The following TLR9 variants were observed in gnomAD, a reference collection of about 807,000 sequenced individuals.
The protein encoded by TLR9 is toll-like receptor 9.
A neutral mutation model predicts 24.6 loss-of-function variants in TLR9; 19 were observed. The ratio of observed to expected loss-of-function variants is 0.77; its 90% CI spans 0.54 to 1.13. The LOEUF is 1.13. Among genes scored for constraint, TLR9 ranks in the 50% most tolerant of loss-of-function variants. The pLI, the probability that TLR9 is intolerant of heterozygous loss-of-function variation, is 0.00. For missense variants in TLR9, 1,065 were observed against 1,379.6 expected (o/e 0.77, Z 3.61); for synonymous variants, 579 against 609.8 (o/e 0.95, Z 0.74).
At position 52,222,095 on chromosome 3, in the gene TLR9, C is replaced by T; in HGVS notation, c.2221G>A (p.Asp741Asn). 6 of 1,612,210 alleles carry T rather than the reference C, an allele frequency of 3.7e-6. No homozygotes were observed. Among genetic ancestry groups the T allele is most frequent in the Non-Finnish European group, 5.1e-6 (6 of 1,179,068 alleles). ...NLSANALKTV[D>N]HSWFGPLASA... is the part of the protein sequence containing the mutation. ...GCCAGGGGCCCAAACCAGGAGTGGT[C>T]CACTGTCTTGAGGGCGTTGGCGCTA... Residue 741 changes from aspartate to asparagine, a missense_variant, in exon 2 of 2, where the codon GAC becomes AAC. Asp to Asn is a conservative substitution (Grantham distance 23). Transcript: ENST00000360658.
At position 52,223,730 on chromosome 3, in the gene TLR9, G is replaced by A. The variant is rs1699590428; in HGVS notation, c.586C>T (p.Leu196Phe). ...QALEVAPGAL[L>F]GLGNLTHLSL... Reference sequence around the variant, plus strand: ...AGGTGGGTGAGGTTGCCCAGGCCAAGGAGGGCACCCGGGGCCACCTCCAGT... The same window carrying A: ...AGGTGGGTGAGGTTGCCCAGGCCAAAGAGGGCACCCGGGGCCACCTCCAGT... The change falls in exon 2 of 2, where the codon CTT becomes TTT. Residue 196 changes from leucine (L) to phenylalanine (F), a missense_variant. Transcript: ENST00000360658. 1 of 1,579,070 alleles carries A rather than the reference G, an allele frequency of 6.3e-7. No homozygotes were observed. The highest frequency in any genetic ancestry group is 8.6e-7 in the Non-Finnish European group (1 of 1,161,622).
At position 52,224,329 on chromosome 3, in the gene TLR9, G is replaced by T. The variant is rs201370994; in HGVS notation, c.4-17C>A. ...GCAGAAACCCTGTGGGGGTGGGAGG[G>T]CTGTGTGAGTGGCCGGCCCCCAGCT... On this transcript the variant is annotated splice_polypyrimidine_tract_variant and intron_variant, in intron 1 of 1. Coordinates refer to ENST00000360658, the MANE Select transcript of TLR9 (RefSeq NM_017442.4). The T allele has an allele frequency of 1.9e-6, 3 of 1,554,154 alleles. No individual in the cohort carries two copies. Among genetic ancestry groups the T allele is most frequent in the Non-Finnish European group, 2.6e-6 (3 of 1,148,498 alleles).
At chr3:52,225,130 A>T (rs1699608190) in intron 1 of TLR9, among the ~76,000 whole-genome samples, 1 of 152,206 alleles carries the variant, frequency 6.6e-6, no homozygotes, top group South Asian at 2.1e-4. Flanking sequence ...AGATCACCTG[A>T]GGTCTGGAGT....
chr3:52,223,990 G>C lies in TLR9; in HGVS notation c.326C>G (p.Pro109Arg), dbSNP rs1295652148. ...GCTGGGCTCGATGGTCATGTGGCAG[G>C]GGAAGTGCATGGGGCTGAGGCCAAC... is the stretch of plus-strand genomic sequence containing the variant. ...PPVGLSPMHF[P>R]CHMTIEPSTF... is the part of the protein sequence containing the mutation. The change falls in exon 2 of 2, where the codon CCC (proline) becomes CGC (arginine). Residue 109 changes from proline (P) to arginine (R), a missense_variant. Physicochemically the swap from Pro to Arg is moderately radical, Grantham distance 103 (BLOSUM62 -2). Transcript: ENST00000360658. The C allele has an allele frequency of 6.3e-7, 1 of 1,597,122 alleles. No individual in the cohort carries two copies. The highest frequency in any genetic ancestry group is 1.1e-5 in the South Asian group (1 of 89,346).
In TLR9 at chr3:52,221,128, G is replaced by A; in HGVS notation, c.*89C>T. The stretch of plus-strand genomic sequence containing the variant: ...GTGCCTGCTCTGTGTCAGGTGTGGG[G>A]TGAGGGAGGCGAGCAGGGGAGGGTC... On this transcript the variant is annotated 3_prime_UTR_variant, in exon 2 of 2. Coordinates refer to ENST00000360658, the MANE Select transcript of TLR9 (RefSeq NM_017442.4). The surrounding 1 kb of genome is among the most constrained non-coding windows in gnomAD (Gnocchi z 9.9). The A allele has an allele frequency of 8.0e-7, 1 of 1,250,132 alleles. No homozygotes were observed. The highest frequency in any genetic ancestry group is 1.1e-6 in the Non-Finnish European group (1 of 906,044). The allele number at this position is 1,250,132 out of a possible 1,614,324, so 77.4% of individuals were successfully genotyped here. A position where few individuals can be genotyped will look rare whatever the true frequency, so the allele number is the denominator to read the frequency against.
Position 52,221,176 on chromosome 3 carries a change from G to C in TLR9, c.*41C>G. On this transcript the variant is annotated 3_prime_UTR_variant, in exon 2 of 2. Transcript: ENST00000360658. The surrounding 1 kb of genome is among the most constrained non-coding windows in gnomAD (Gnocchi z 9.9). ...GTCAGACCAGGCAGGCAGAGGTGAG[G>C]TGAGTGTGGAGGTGGCACCGTGCAG... The C allele has an allele frequency of 1.3e-6, 2 of 1,493,586 alleles. No homozygotes were observed. Among genetic ancestry groups the C allele is most frequent in the Non-Finnish European group, 1.8e-6 (2 of 1,117,804 alleles). The allele number at this position is 1,493,586 out of a possible 1,614,324, so 92.5% of individuals were successfully genotyped here.
chr3:52,225,491 T>G (rs749141407), intron 1 of TLR9, 36 bp downstream of exon 1: 9 of 1,600,188 alleles, frequency 5.6e-6, no homozygotes, highest in Non-Finnish European at 7.7e-6. Flanking sequence ...TCCCAGGATA[T>G]CCCCTTCCCC....
Position 52,224,071 on chromosome 3 carries a change from T to C in TLR9, c.245A>G (p.Asp82Gly). The C allele has an allele frequency of 6.4e-7, 1 of 1,569,598 alleles. No individual in the cohort carries two copies. The highest frequency in any genetic ancestry group is 8.7e-7 in the Non-Finnish European group (1 of 1,153,902). Residue 82 changes from aspartate (D) to glycine (G), a missense_variant, in exon 2 of 2, where the codon GAC becomes GGC. Asp to Gly is a moderately conservative substitution (Grantham distance 94). Coordinates refer to ENST00000360658, the MANE Select transcript of TLR9 (RefSeq NM_017442.4). ...CCGCAGGCTGGGCAGGTGGGCAAAGTCAGAATCATGGAGGTGGTGGATGCG... is the reference window on the plus strand; with the variant it reads ...CCGCAGGCTGGGCAGGTGGGCAAAGCCAGAATCATGGAGGTGGTGGATGCG... ...SNRIHHLHDS[D>G]FAHLPSLRHL...
In TLR9 at chr3:52,221,639, C is replaced by T. The variant is rs769582714; in HGVS notation, c.2677G>A (p.Gly893Arg). 2 of 1,613,908 alleles carry T rather than the reference C, an allele frequency of 1.2e-6. No homozygotes were observed. The highest frequency in any genetic ancestry group is 1.7e-6 in the Non-Finnish European group (2 of 1,180,018). ...VADWVYNELR[G>R]QLEECRGRWA... The stretch of plus-strand genomic sequence containing the variant: ...CGCCCACGGCACTCCTCCAGCTGCC[C>T]CCGAAGCTCGTTGTACACCCAGTCT... Residue 893 changes from glycine to arginine, a missense_variant, in exon 2 of 2, where the codon GGG becomes AGG. By Grantham distance (125) the Gly-to-Arg change is moderately radical. Transcript: ENST00000360658. The surrounding 1 kb of genome is among the most constrained non-coding windows in gnomAD (Gnocchi z 9.9).
rs925350595 is a variant in TLR9, at chr3:52,221,909, C to T, written c.2407G>A (p.Ala803Thr). ...TCCAGGCAGAGGCGCAGGTCCTGTG[C>T]AAAGATGCTGAGGCCCTGGAGCTGG... ...PGQLQGLSIF[A>T]QDLRLCLDEA... The change falls in exon 2 of 2, where the codon GCA becomes ACA. Residue 803 changes from alanine to threonine, a missense_variant. Physicochemically the swap from Ala to Thr is moderately conservative, Grantham distance 58. Transcript: ENST00000360658. This position sits in a 1 kb window ranked among gnomAD's most constrained non-coding sequence, Gnocchi z 9.9. 2 of 1,613,488 alleles carry T rather than the reference C, an allele frequency of 1.2e-6. No homozygotes were observed. Among genetic ancestry groups the T allele is most frequent in the Non-Finnish European group, 1.7e-6 (2 of 1,179,900 alleles).
At position 52,221,602 on chromosome 3, in the gene TLR9, C is replaced by A. The variant is rs376675219; in HGVS notation, c.2714G>T (p.Arg905Leu). 3 of 1,613,332 alleles carry A rather than the reference C, an allele frequency of 1.9e-6. No homozygotes were observed. The highest frequency in any genetic ancestry group is 1.7e-6 in the Non-Finnish European group (2 of 1,179,888). The change falls in exon 2 of 2, where the codon CGC becomes CTC. Residue 905 changes from arginine to leucine, a missense_variant. Arg to Leu is a moderately radical substitution (Grantham distance 102). Coordinates refer to ENST00000360658, the MANE Select transcript of TLR9 (RefSeq NM_017442.4). This position sits in a 1 kb window ranked among gnomAD's most constrained non-coding sequence, Gnocchi z 9.9. ...CCAGTCGCGTTCCTCCAGGCACAGG[C>A]GGAGTGCCCAGCGCCCACGGCACTC... is the stretch of plus-strand genomic sequence containing the variant. ...LEECRGRWALRLCLEERDWLP... is the reference protein window; with the variant it reads ...LEECRGRWALLLCLEERDWLP...
chr3:52,221,292 C>G lies in TLR9; in HGVS notation c.3024G>C (p.Gln1008His), dbSNP rs200965458. The G allele has an allele frequency of 1.1e-4, 170 of 1,530,354 alleles. No individual in the cohort carries two copies. The African/African-American group carries it at 2.0e-3, about 18-fold the overall frequency. The allele number at this position is 1,530,354 out of a possible 1,614,324, so 94.8% of individuals were successfully genotyped here. The change falls in exon 2 of 2, where the codon CAG becomes CAC. Residue 1008 changes from glutamine (Q) to histidine (H), a missense_variant. By Grantham distance (24) the Gln-to-His change is conservative (BLOSUM62 0). Coordinates refer to ENST00000360658, the MANE Select transcript of TLR9 (RefSeq NM_017442.4). This position sits in a 1 kb window ranked among gnomAD's most constrained non-coding sequence, Gnocchi z 9.9. ...QPSGQRSFWAQLGMALTRDNH... is the reference protein window; with the variant it reads ...QPSGQRSFWAHLGMALTRDNH... ...TGTCCCTGGTCAGGGCCATGCCCAGCTGGGCCCAGAAGCTGCGCTGACCAC... is the reference window on the plus strand; with the variant it reads ...TGTCCCTGGTCAGGGCCATGCCCAGGTGGGCCCAGAAGCTGCGCTGACCAC...
chr3:52,221,482 C>A lies in TLR9; in HGVS notation c.2834G>T (p.Gly945Val). The A allele has an allele frequency of 6.2e-7, 1 of 1,612,718 alleles. No homozygotes were observed. The highest frequency in any genetic ancestry group is 8.5e-7 in the Non-Finnish European group (1 of 1,179,564). ...CAGCAGGAAGCTGGCGCGCAAGAGA[C>A]CACTGACCCGGTCCGTGTGGGCCAG... The part of the protein sequence containing the change: ...FVLAHTDRVS[G>V]LLRASFLLAQ... Residue 945 changes from glycine (G) to valine (V), a missense_variant, in exon 2 of 2, where the codon GGT (glycine) becomes GTT (valine). Coordinates refer to ENST00000360658, the MANE Select transcript of TLR9 (RefSeq NM_017442.4). The surrounding 1 kb of genome is among the most constrained non-coding windows in gnomAD (Gnocchi z 9.9).
In TLR9 at chr3:52,221,487, G is replaced by A. The variant is rs1207006040; in HGVS notation, c.2829C>T (p.Val943=). Residue 943 remains valine, a synonymous_variant, in exon 2 of 2, where the codon GTC becomes GTT. Coordinates refer to ENST00000360658, the MANE Select transcript of TLR9 (RefSeq NM_017442.4). The surrounding 1 kb of genome is among the most constrained non-coding windows in gnomAD (Gnocchi z 9.9). ...GGAAGCTGGCGCGCAAGAGACCACT[G>A]ACCCGGTCCGTGTGGGCCAGCACAA... is the stretch of plus-strand genomic sequence containing the variant. The part of the protein sequence containing the change: ...TLFVLAHTDR[V]SGLLRASFLL... The A allele has an allele frequency of 6.2e-7, 1 of 1,612,884 alleles. No homozygotes were observed. The highest frequency in any genetic ancestry group is 8.5e-7 in the Non-Finnish European group (1 of 1,179,704).
chr3:52,223,526 G>T lies in TLR9; in HGVS notation c.790C>A (p.Pro264Thr). The stretch of plus-strand genomic sequence containing the variant: ...AAGTGACGAGGGCACTCCATGCAGG[G>T]GTTGGGAGCGTGGTCGCAGCGGCGG... ...NCRRCDHAPNPCMECPRHFPQ... is the reference protein window; with the variant it reads ...NCRRCDHAPNTCMECPRHFPQ... Residue 264 changes from proline to threonine, a missense_variant, in exon 2 of 2, where the codon CCC (proline) becomes ACC (threonine). Coordinates refer to ENST00000360658, the MANE Select transcript of TLR9 (RefSeq NM_017442.4). 6.5e-7 allele frequency: 1 copy of T among 1,542,636 alleles called. No individual in the cohort carries two copies. Among genetic ancestry groups the T allele is most frequent in the Non-Finnish European group, 8.7e-7 (1 of 1,143,380 alleles).
chr3:52,221,088 G>A lies in TLR9; in HGVS notation c.*129C>T, dbSNP rs201247370. On this transcript the variant is annotated 3_prime_UTR_variant, in exon 2 of 2. Transcript: ENST00000360658. This position sits in a 1 kb window ranked among gnomAD's most constrained non-coding sequence, Gnocchi z 9.9. ...GCTCAGAGTTAGCCATCTAGCCTTC[G>A]GTAGCATTTATTGAGTGCCTGCTCT... 30 of 823,566 alleles carry A rather than the reference G, an allele frequency of 3.6e-5. No homozygotes were observed. The highest frequency in any genetic ancestry group is 5.1e-5 in the Non-Finnish European group (28 of 544,390). 51.0% of individuals were successfully genotyped at this position (823,566 alleles called of 1,614,324 possible).
rs200268875 is a variant in TLR9 at position 52,221,858 on chromosome 3, C to G, written c.2458G>C (p.Ala820Pro). The G allele has an allele frequency of 6.2e-7, 1 of 1,613,744 alleles. No individual in the cohort carries two copies. The highest frequency in any genetic ancestry group is 1.3e-5 in the African/African-American group (1 of 74,928). ...LDEALSWDCF[A>P]LSLLAVALGL... ...AGAGCCACAGCCAGCAGCGAGAGGG[C>G]GAAACAGTCCCAGGAGAGGGCCTCA... The change falls in exon 2 of 2, where the codon GCC (alanine) becomes CCC (proline). Residue 820 changes from alanine to proline, a missense_variant. Coordinates refer to ENST00000360658, the MANE Select transcript of TLR9 (RefSeq NM_017442.4). The surrounding 1 kb of genome is among the most constrained non-coding windows in gnomAD (Gnocchi z 9.9).
chr3:52,225,343 CAAAAAAA>C (rs981581476), intron 1 of TLR9, among the ~76,000 whole-genome samples, 177 bp downstream of exon 1: 7 of 101,712 alleles, frequency 6.9e-5, no homozygotes, highest in East Asian at 5.6e-4. Context: ...AACTCCGTCT[CAAAAAAA>C]AAAAAAAAGA....
At position 52,222,072 on chromosome 3, in the gene TLR9, CA is replaced by C. The variant is rs746151167; in HGVS notation, c.2243del (p.Leu748ArgfsTer8). On this transcript the variant is annotated frameshift_variant, in exon 2 of 2. Coordinates refer to ENST00000360658, the MANE Select transcript of TLR9 (RefSeq NM_017442.4). LOFTEE classifies it high-confidence loss of function. ...KTVDHSWFGP[L>X]ASALQILDVS... The stretch of plus-strand genomic sequence containing the variant: ...CATCTAGTATTTGCAGGGCACTCGC[CA>C]GGGGCCCAAACCAGGAGTGGTCCAC... 1 of 1,612,690 alleles carries C rather than the reference CA, an allele frequency of 6.2e-7. No individual in the cohort carries two copies. Among genetic ancestry groups the C allele is most frequent in the African/African-American group, 1.3e-5 (1 of 75,034 alleles).
Sources: gnomAD v4.1 joint callset for allele counts (sites outside exome capture counted in the v4.1 genomes callset) on GRCh38, gnomAD v4.1.1 for gene constraint, Gnocchi (gnomAD v3.1) non-coding constraint, MANE v1.5 for transcripts, NCBI Gene and HGNC (gene_info 2026-07-23, HGNC 2026-07-21) for gene names.